The following MYO5B variants were observed in gnomAD, a reference collection of about 807,000 sequenced individuals.
MYO5B encodes myosin VB.
MYO5B carries 143 observed loss-of-function variants against 229.3 expected under a neutral mutation model. The observed-to-expected ratio is 0.62, with a 90% confidence interval of 0.54 to 0.72. The LOEUF is 0.72. Among genes scored for constraint, MYO5B ranks in the 30% least tolerant of loss-of-function variants. The pLI is 0.00. For synonymous variants in MYO5B, 918 were observed against 885.2 expected, an observed-to-expected ratio of 1.04 and a Z score of -0.66; for missense variants, 2,321 against 2,331.0, an observed-to-expected ratio of 1.00 and a Z score of 0.09.
chr18:50,087,008 C>T (rs1355095789), intron 1 of MYO5B, among the ~76,000 whole-genome samples: 1 of 152,166 alleles, frequency 6.6e-6, no homozygotes, highest in Non-Finnish European at 1.5e-5. Context: ...GTGAAAGAGA[C>T]TCACAATAAT....
intron 1 of MYO5B, among the ~76,000 whole-genome samples, chr18:50,168,309 C>T (rs2032882157): frequency 6.6e-6 from 1 of 152,186 alleles, no homozygotes; most frequent in Admixed American, 6.5e-5. Flanking sequence ...GAAAATCTGG[C>T]AACATGGTGA....
At chr18:50,126,286 G>C (rs1568116943) in intron 1 of MYO5B, among the ~76,000 whole-genome samples, 1 of 152,194 alleles carries the variant, frequency 6.6e-6, no homozygotes, top group Non-Finnish European at 1.5e-5. Context: ...TTATTTTCCA[G>C]ATGTGGGCAC....
At chr18:49,961,530 G>A (rs927684755) in intron 12 of MYO5B, among the ~76,000 whole-genome samples, 7 of 152,218 alleles carry the variant, frequency 4.6e-5, no homozygotes, top group African/African-American at 7.2e-5. Flanking sequence ...AAGCAAGTGG[G>A]TTCTTTCCCT....
chr18:50,058,500 T>C (rs1170499348), intron 1 of MYO5B, among the ~76,000 whole-genome samples: 1 of 150,950 alleles, frequency 6.6e-6, no homozygotes, highest in African/African-American at 2.4e-5. Flanking sequence ...AGAGACCCTA[T>C]GGTTCAAAGC....
intron 10 of MYO5B, among the ~76,000 whole-genome samples, chr18:49,971,615 A>C (rs1383019308): frequency 6.6e-6 from 1 of 152,242 alleles, no homozygotes; most frequent in Non-Finnish European, 1.5e-5. Context: ...CTCTCACCAG[A>C]AAGACAGCCT....
chr18:50,147,839 C>A (rs1377827274), intron 1 of MYO5B, among the ~76,000 whole-genome samples: 1 of 152,096 alleles, frequency 6.6e-6, no homozygotes, highest in African/African-American at 2.4e-5. Context: ...AACTACCTTG[C>A]CAAATCCTGG....
rs2023792828 is a variant in MYO5B at position 49,823,212 on chromosome 18, CCT to C, written c.*3257_*3258del. ...GTCCTGTGTTTCTCATTGGCATTAA[CCT>C]CTGTCTACACCCTCTAATTCTCTAA... On this transcript the variant is annotated 3_prime_UTR_variant, in exon 40 of 40. Coordinates refer to ENST00000285039, the MANE Select transcript of MYO5B (RefSeq NM_001080467.3). 6.6e-6 allele frequency: 1 copy of C among 152,286 alleles called. No individual in the cohort carries two copies. Among genetic ancestry groups the C allele is most frequent in the Non-Finnish European group, 1.5e-5 (1 of 68,050 alleles). 9.4% of individuals were successfully genotyped at this position (152,286 alleles called of 1,614,324 possible).
intron 1 of MYO5B, among the ~76,000 whole-genome samples, chr18:50,150,286 G>A (rs1270833219): frequency 6.9e-6 from 1 of 144,456 alleles, no homozygotes; most frequent in African/African-American, 2.5e-5. Flanking sequence ...GATTCCTCAG[G>A]GATCTAGAAC....
At position 49,900,659 on chromosome 18, in the gene MYO5B, A is replaced by G. The variant is rs541763263; in HGVS notation, c.2811+1935T>C. Among the ~76,000 whole-genome samples the G allele has an allele frequency of 6.6e-5, 10 of 152,262 alleles. No individual in the cohort carries two copies. In the East Asian group the frequency reaches 1.2e-3, roughly 18 times the overall value. On this transcript the variant is annotated intron_variant, in intron 21 of 39. Coordinates refer to ENST00000285039, the MANE Select transcript of MYO5B (RefSeq NM_001080467.3). ...GCCCAGTATAGAATAGATACATTAA[A>G]TCCCAATGACTTACAAAGCCATACC...
At position 49,902,491 on chromosome 18, in the gene MYO5B, C is replaced by T. The variant is rs554030101; in HGVS notation, c.2811+103G>A. On this transcript the variant is annotated intron_variant, in intron 21 of 39. Transcript: ENST00000285039. ...TGGTCTGAGGACGTCTGTGCTCCCTCGGGTCTTCGGCATGTGCAGTTCCTC... is the reference window on the plus strand; with the variant it reads ...TGGTCTGAGGACGTCTGTGCTCCCTTGGGTCTTCGGCATGTGCAGTTCCTC... 238 of 1,525,040 alleles carry T rather than the reference C, an allele frequency of 1.6e-4. 3 individuals carry two copies. The South Asian group carries it at 2.1e-3, about 13-fold the overall frequency. The allele number at this position is 1,525,040 out of a possible 1,614,324, so 94.5% of individuals were successfully genotyped here.
chr18:50,106,445 T>G (rs1312944124), intron 1 of MYO5B, among the ~76,000 whole-genome samples: 1 of 152,212 alleles, frequency 6.6e-6, no homozygotes, highest in Non-Finnish European at 1.5e-5. Context: ...CTGGCCTTCA[T>G]CATCTGGCCC....
At chr18:49,842,311 T>C (rs116162046) in intron 34 of MYO5B, among the ~76,000 whole-genome samples, 46 of 152,182 alleles carry the variant, frequency 3.0e-4, no homozygotes, top group African/African-American at 1.1e-3. Flanking sequence ...CATGCAGATA[T>C]GTTTTAGAGC....
At position 49,847,129 on chromosome 18, in the gene MYO5B, G is replaced by A. The variant is rs781106588; in HGVS notation, c.4459+17C>T. The A allele has an allele frequency of 1.2e-5, 19 of 1,613,818 alleles. No homozygotes were observed. The East Asian group carries it at 3.8e-4, about 32-fold the overall frequency. On this transcript the variant is annotated intron_variant, in intron 33 of 39. Transcript: ENST00000285039. Reference sequence around the variant, plus strand: ...AAGGAGGGGCAGGCAGCATAGGGTGGCACAGAGGGTCCTTACCTGTCACCA... The same window carrying A: ...AAGGAGGGGCAGGCAGCATAGGGTGACACAGAGGGTCCTTACCTGTCACCA...
At chr18:49,935,533 T>C (rs1033118230) in intron 16 of MYO5B, among the ~76,000 whole-genome samples, 3 of 152,178 alleles carry the variant, frequency 2.0e-5, no homozygotes, top group Admixed American at 6.5e-5. Context: ...GAGGAATCAT[T>C]CTTGGGGGGT....
intron 1 of MYO5B, among the ~76,000 whole-genome samples, chr18:50,152,957 G>A (rs1272424404): frequency 6.6e-6 from 1 of 150,970 alleles, no homozygotes; most frequent in Non-Finnish European, 1.5e-5. Context: ...CACCCTTCAG[G>A]CAAGTAACAA....
At chr18:49,870,505 G>C (rs1228402206) in intron 27 of MYO5B, among the ~76,000 whole-genome samples, 1 of 152,094 alleles carries the variant, frequency 6.6e-6, no homozygotes, top group African/African-American at 2.4e-5. Context: ...CCACAGAATG[G>C]GAGAAACTAT....
chr18:49,955,457 T>C (rs1483252724), intron 12 of MYO5B, among the ~76,000 whole-genome samples: 1 of 152,206 alleles, frequency 6.6e-6, no homozygotes, highest in African/African-American at 2.4e-5. Context: ...CTAACTGACC[T>C]GCCCTTCTTT....
intron 5 of MYO5B, among the ~76,000 whole-genome samples, chr18:49,996,939 G>A (rs1245492259): frequency 6.6e-6 from 1 of 152,182 alleles, no homozygotes; most frequent in Non-Finnish European, 1.5e-5. Context: ...GCAGATTCTT[G>A]TAAAAATGGG....
chr18:50,040,545 T>C (rs1347145269), intron 2 of MYO5B, among the ~76,000 whole-genome samples: 1 of 152,172 alleles, frequency 6.6e-6, no homozygotes, highest in African/African-American at 2.4e-5. Context: ...CATAACCAGG[T>C]CTAAGAGAGT....
Sources: gnomAD v4.1 joint callset for allele counts (sites outside exome capture counted in the v4.1 genomes callset) on GRCh38, gnomAD v4.1.1 for gene constraint, MANE v1.5 for transcripts, NCBI Gene and HGNC (gene_info 2026-07-23, HGNC 2026-07-21) for gene names.